Variants in SOX5 observed in about 807,000 individuals in gnomAD.
SOX5 encodes the protein SRY-box transcription factor 5, also known as transcription factor SOX-5.
A neutral mutation model predicts 92.0 loss-of-function variants in SOX5; 9 were observed. The observed-to-expected ratio is 0.10, with a 90% CI of 0.06 to 0.17. SOX5 has a LOEUF of 0.17. Among genes scored for constraint, SOX5 ranks in the 10% least tolerant of loss-of-function variants. SOX5 has a pLI of 1.00. For missense variants in SOX5, 642 were observed against 944.5 expected (o/e 0.68, Z 4.20); for synonymous variants, 344 against 336.3 (o/e 1.02, Z -0.25).
intron 8 of SOX5, among the ~76,000 whole-genome samples, chr12:23,631,990 C>T (rs891114268): frequency 1.3e-5 from 2 of 152,136 alleles, no homozygotes; most frequent in Admixed American, 6.6e-5. Context: ...GGCTCTGACT[C>T]TAGCCCATAT....
At chr12:24,340,957 A>G (rs778512364) in intron 2 of SOX5, among the ~76,000 whole-genome samples, 2 of 152,188 alleles carry the variant, frequency 1.3e-5, no homozygotes, top group Admixed American at 1.3e-4. Flanking sequence ...TATAAATTTA[A>G]TGTACTCTGT....
At chr12:23,853,364 T>C (rs1221892113) in intron 2 of SOX5, among the ~76,000 whole-genome samples, 1 of 151,688 alleles carries the variant, frequency 6.6e-6, no homozygotes, top group Non-Finnish European at 1.5e-5. Flanking sequence ...TATGAAAATA[T>C]TATATTTTGT....
intron 4 of SOX5, among the ~76,000 whole-genome samples, chr12:23,744,780 A>T (rs1299360477): frequency 6.6e-6 from 1 of 152,152 alleles, no homozygotes; most frequent in African/African-American, 2.4e-5. Context: ...TTAGTTTGCC[A>T]GGGCTGCCAT....
chr12:23,991,793 C>A (rs1435891967), intron 4 of SOX5, among the ~76,000 whole-genome samples: 3 of 149,982 alleles, frequency 2.0e-5, no homozygotes, highest in Non-Finnish European at 3.0e-5. Context: ...AGTACGAGTA[C>A]TGAAAAGAAC....
intron 4 of SOX5, among the ~76,000 whole-genome samples, chr12:24,021,114 A>G (rs1954232654): frequency 6.6e-6 from 1 of 152,220 alleles, no homozygotes; most frequent in Non-Finnish European, 1.5e-5. Flanking sequence ...ACTCCAGTAC[A>G]TCTACTGAGA....
chr12:24,543,392 A>G (rs1427350676), intron 1 of SOX5, among the ~76,000 whole-genome samples: 1 of 152,268 alleles, frequency 6.6e-6, no homozygotes, highest in Non-Finnish European at 1.5e-5. Context: ...AATTACTATG[A>G]AGATCAATAT....
chr12:23,931,888 T>C (rs1941489348), intron 1 of SOX5, among the ~76,000 whole-genome samples: 1 of 151,552 alleles, frequency 6.6e-6, no homozygotes, highest in Admixed American at 6.6e-5. Flanking sequence ...CTGCAAAAAA[T>C]GGTATTCATG....
At chr12:23,622,190 G>A (rs757733785) in intron 8 of SOX5, among the ~76,000 whole-genome samples, 11 of 151,986 alleles carry the variant, frequency 7.2e-5, no homozygotes, top group South Asian at 2.1e-4. Context: ...GAATCTGATC[G>A]TTTTAAAAGG....
At chr12:23,798,440 G>C (rs568192516) in intron 3 of SOX5, among the ~76,000 whole-genome samples, 3 of 151,846 alleles carry the variant, frequency 2.0e-5, no homozygotes, top group African/African-American at 7.2e-5. Context: ...CTTAAGTTTG[G>C]GTATCCTTCA....
intron 9 of SOX5, chr12:23,603,894 A>C (rs1371267751): frequency 1.3e-5 from 2 of 156,008 alleles, no homozygotes; most frequent in African/African-American, 4.8e-5. Context: ...ATATTTTTAA[A>C]ACACCTTCTG....
chr12:24,550,852 G>A (rs972886774), intron 1 of SOX5, among the ~76,000 whole-genome samples: 11 of 152,180 alleles, frequency 7.2e-5, no homozygotes, highest in Non-Finnish European at 1.5e-4. Context: ...TGCAGGGCTT[G>A]AGCCATGAGA....
In SOX5 at chr12:24,086,901, A is replaced by G. The variant is rs75864570; in HGVS notation, c.-2+126442T>C. Reference sequence around the variant, plus strand: ...AATATTATGTTCATTTACTCGAATAATCTTTAAATTTGTCACAAGTGGTAT... The same window carrying G: ...AATATTATGTTCATTTACTCGAATAGTCTTTAAATTTGTCACAAGTGGTAT... On this transcript the variant is annotated intron_variant, in intron 4 of 4. Coordinates refer to the SOX5 transcript ENST00000446891. Among the ~76,000 whole-genome samples the G allele has an allele frequency of 6.4e-3, 971 of 152,242 alleles. 9 individuals are homozygous for G. The highest frequency in any genetic ancestry group is 0.034 in the South Asian group (162 of 4,834).
chr12:23,594,556 T>A (rs1407941147), intron 9 of SOX5, among the ~76,000 whole-genome samples: 1 of 152,080 alleles, frequency 6.6e-6, no homozygotes, highest in Non-Finnish European at 1.5e-5. Context: ...GATAAAAAAA[T>A]TCCTTTGCTA....
intron 3 of SOX5, among the ~76,000 whole-genome samples, chr12:24,235,029 A>G (rs931463238): frequency 9.2e-5 from 14 of 152,232 alleles, no homozygotes; most frequent in Non-Finnish European, 2.1e-4. Flanking sequence ...AAACTGGATC[A>G]GTCTATTACG....
intron 3 of SOX5, among the ~76,000 whole-genome samples, chr12:24,221,805 G>T (rs995740701): frequency 1.3e-5 from 2 of 152,192 alleles, no homozygotes; most frequent in Non-Finnish European, 2.9e-5. Flanking sequence ...ATTTTAAGCA[G>T]GGTGACTAGA....
At chr12:24,529,605 G>A (rs544877627) in intron 1 of SOX5, among the ~76,000 whole-genome samples, 29 of 152,332 alleles carry the variant, frequency 1.9e-4, no homozygotes, top group South Asian at 6.2e-4. Context: ...TCAACACTTG[G>A]TGGTACCATC....
chr12:23,723,709 G>A (rs1265612678), intron 6 of SOX5, among the ~76,000 whole-genome samples: 1 of 151,580 alleles, frequency 6.6e-6, no homozygotes, highest in Non-Finnish European at 1.5e-5. Flanking sequence ...AGGTATGTAT[G>A]TATGAATACA....
At chr12:24,507,964 G>T (rs1948958512) in intron 1 of SOX5, among the ~76,000 whole-genome samples, 1 of 152,024 alleles carries the variant, frequency 6.6e-6, no homozygotes, top group Non-Finnish European at 1.5e-5. Flanking sequence ...CTATGTACCA[G>T]GCAGAGAAAA....
chr12:23,695,118 C>CA (rs11464821), intron 6 of SOX5, among the ~76,000 whole-genome samples: 34,341 of 139,400 alleles, frequency 0.25, 4,458 homozygotes, highest in African/African-American at 0.32. Flanking sequence ...AACCTTGTCT[C>CA]AAAAAAAAAA....
Sources: allele counts gnomAD v4.1 joint callset (sites outside exome capture counted in the v4.1 genomes callset), GRCh38; gene constraint gnomAD v4.1.1; transcripts MANE v1.5; gene names NCBI Gene and HGNC (gene_info 2026-07-23, HGNC 2026-07-21).